Variants in MGAT4D observed in about 807,000 individuals in gnomAD.
The protein encoded by MGAT4D is alpha-1,3-mannosyl-glycoprotein 4-beta-N-acetylglucosaminyltransferase-like protein MGAT4D.
MGAT4D carries 34 observed loss-of-function variants against 15.9 expected under a neutral mutation model. The ratio of observed to expected loss-of-function variants is 2.14; its 90% CI spans 1.62 to 2.84. The LOEUF (loss-of-function observed/expected upper bound fraction) is 2.84, where lower values mean the gene tolerates loss of function less well. Ranked by LOEUF, MGAT4D falls within the 30% of genes most tolerant of loss-of-function variation. The pLI, the probability that MGAT4D is intolerant of heterozygous loss-of-function variation, is 0.00. For missense variants in MGAT4D, 327 were observed against 140.2 expected (o/e 2.33, Z -6.73); for synonymous variants, 112 against 48.2 (o/e 2.33, Z -5.49).
chr4:140,472,622 C>A (rs1027538974), intron 4 of MGAT4D, among the ~76,000 whole-genome samples: 1 of 152,254 alleles, frequency 6.6e-6, no homozygotes, highest in Middle Eastern at 3.4e-3. Context: ...TAAATTGAAT[C>A]ATTAGCTATT....
intron 1 of MGAT4D, among the ~76,000 whole-genome samples, chr4:140,488,920 T>C (rs1033537157): frequency 1.3e-5 from 2 of 152,120 alleles, no homozygotes; most frequent in African/African-American, 4.8e-5. Flanking sequence ...AGCCTTCTGT[T>C]ATGAGTAAAA....
At position 140,498,165 on chromosome 4, in the gene MGAT4D, A is replaced by G; in HGVS notation, c.58T>C (p.Phe20Leu). The G allele has an allele frequency of 1.4e-6, 1 of 702,652 alleles. No individual in the cohort carries two copies. The highest frequency in any genetic ancestry group is 2.6e-6 in the Non-Finnish European group (1 of 384,736). The allele number at this position is 702,652 out of a possible 1,614,324, so 43.5% of individuals were successfully genotyped here. A position where few individuals can be genotyped will look rare whatever the true frequency, so the allele number is the denominator to read the frequency against. Residue 20 changes from phenylalanine (F) to leucine (L), a missense_variant, in exon 1 of 11, where the codon TTC becomes CTC. By Grantham distance (22) the Phe-to-Leu change is conservative. Transcript: ENST00000511113. ...ITLVAVALFS[F>L]SCFSIYRITQ... is the part of the protein sequence containing the mutation. ...ATCCTGTAGATGGAGAAGCAAGAGA[A>G]GCTGAACAACGCGACGGCGACCAGG...
chr4:140,458,597 A>T (rs1730962037), intron 8 of MGAT4D: 1 of 152,202 alleles, frequency 6.6e-6, no homozygotes, highest in Non-Finnish European at 1.5e-5. Flanking sequence ...TGAATGCATA[A>T]ATTTCAGTGA....
At chr4:140,479,664 A>G in intron 2 of MGAT4D, 37 bp from the exon 3 acceptor site, 1 of 389,530 alleles carries the variant, frequency 2.6e-6, no homozygotes, top group East Asian at 3.7e-5. Context: ...GTATATGATC[A>G]TAGGGATTTT....
At chr4:140,465,408 T>A (rs781341431) in intron 5 of MGAT4D, among the ~76,000 whole-genome samples, 1 of 152,208 alleles carries the variant, frequency 6.6e-6, no homozygotes, top group African/African-American at 2.4e-5. Flanking sequence ...AATAGCAATG[T>A]GGCTCCTGAA....
Position 140,482,312 on chromosome 4 carries a change from A to G in MGAT4D, c.253+15T>C, listed in dbSNP as rs1732788153. ...TTTCCAAAAACAAAACAAAACAAAC[A>G]AAATCAACACAAACCTAAGTTTCCT... is the stretch of plus-strand genomic sequence containing the variant. On this transcript the variant is annotated intron_variant, in intron 2 of 10. Coordinates refer to ENST00000511113, the MANE Select transcript of MGAT4D (RefSeq NM_001277353.2). 1 of 607,570 alleles carries G rather than the reference A, an allele frequency of 1.6e-6. No homozygotes were observed. The highest frequency in any genetic ancestry group is 2.9e-6 in the Non-Finnish European group (1 of 347,208). The allele number at this position is 607,570 out of a possible 1,614,324, so 37.6% of individuals were successfully genotyped here.
At position 140,471,678 on chromosome 4, in the gene MGAT4D, T is replaced by A. The variant is rs143503833; in HGVS notation, c.572+97A>T. 2,737 of 313,774 alleles carry A rather than the reference T, an allele frequency of 8.7e-3. 21 individuals carry two copies. Among genetic ancestry groups the A allele is most frequent in the Non-Finnish European group, 0.012 (2,135 of 170,872 alleles). The allele number at this position is 313,774 out of a possible 1,614,324, so 19.4% of individuals were successfully genotyped here. On this transcript the variant is annotated intron_variant, in intron 5 of 10. Coordinates refer to ENST00000511113, the MANE Select transcript of MGAT4D (RefSeq NM_001277353.2). ...TGCCAGCTATACTCATTAAAAAGAATATGATCACTAAGAAAATAATTATAC... is the reference window on the plus strand; with the variant it reads ...TGCCAGCTATACTCATTAAAAAGAAAATGATCACTAAGAAAATAATTATAC...
chr4:140,455,082 T>C (rs976720282), intron 9 of MGAT4D, among the ~76,000 whole-genome samples: 1 of 152,160 alleles, frequency 6.6e-6, no homozygotes, highest in Admixed American at 6.5e-5. Flanking sequence ...TGCTGTTTTC[T>C]TTTACTATTA....
chr4:140,451,454 C>A lies in MGAT4D; in HGVS notation c.1072G>T (p.Val358Leu). 1 of 634,058 alleles carries A rather than the reference C, an allele frequency of 1.6e-6. No individual in the cohort carries two copies. Among genetic ancestry groups the A allele is most frequent in the Non-Finnish European group, 2.9e-6 (1 of 346,830 alleles). 39.3% of individuals were successfully genotyped at this position (634,058 alleles called of 1,614,324 possible). The change falls in exon 10 of 11, where the codon GTG (valine) becomes TTG (leucine). Residue 358 changes from valine (V) to leucine (L), a missense_variant. Coordinates refer to ENST00000511113, the MANE Select transcript of MGAT4D (RefSeq NM_001277353.2). ...IQYKPSLFQHVGIHSSFPRKE... is the reference protein window; with the variant it reads ...IQYKPSLFQHLGIHSSFPRKE... ...CTAGGGAATGATGAATGTATACCCA[C>A]ATGCTGGAAAAGAGAAGGTTTATAC...
chr4:140,452,505 CA>C (rs1342887425), intron 9 of MGAT4D, among the ~76,000 whole-genome samples: 1 of 152,106 alleles, frequency 6.6e-6, no homozygotes, highest in African/African-American at 2.4e-5. Flanking sequence ...AATACACCCT[CA>C]AAACAACCTG....
intron 1 of MGAT4D, among the ~76,000 whole-genome samples, chr4:140,495,549 T>C (rs1328925079): frequency 6.6e-6 from 1 of 152,188 alleles, no homozygotes; most frequent in East Asian, 1.9e-4. Context: ...ACATGCCATG[T>C]AGTTTTCCAC....
At chr4:140,463,689 T>C (rs985062808) in intron 6 of MGAT4D, among the ~76,000 whole-genome samples, 5 of 152,136 alleles carry the variant, frequency 3.3e-5, no homozygotes, top group Non-Finnish European at 7.3e-5. Flanking sequence ...CGTGAAGATA[T>C]CAACAATGTT....
intron 1 of MGAT4D, among the ~76,000 whole-genome samples, chr4:140,497,235 C>A (rs1314483990): frequency 6.6e-6 from 1 of 152,026 alleles, no homozygotes; most frequent in Non-Finnish European, 1.5e-5. Flanking sequence ...AACGTAAGAG[C>A]AATCGTGGAA....
chr4:140,468,384 T>C (rs992363562), intron 5 of MGAT4D, among the ~76,000 whole-genome samples: 4 of 152,196 alleles, frequency 2.6e-5, no homozygotes, highest in Non-Finnish European at 4.4e-5. Context: ...AATGTTTTTA[T>C]TGGAGATCTT....
At chr4:140,457,017 G>C (rs1730854648) in intron 8 of MGAT4D, 1 of 165,522 alleles carries the variant, frequency 6.0e-6, no homozygotes, top group African/African-American at 2.4e-5. Context: ...CAAGTGAATA[G>C]AATGAAATAT....
At chr4:140,459,683 C>T (rs1731039622) in intron 7 of MGAT4D, 57 bp from the exon 8 acceptor site, 1 of 373,584 alleles carries the variant, frequency 2.7e-6, no homozygotes, top group Non-Finnish European at 4.8e-6. Context: ...TTGAGTAAAG[C>T]TATATTAGCT....
At chr4:140,449,704 G>C (rs1730351111) in intron 10 of MGAT4D, among the ~76,000 whole-genome samples, 1 of 152,122 alleles carries the variant, frequency 6.6e-6, no homozygotes, top group African/African-American at 2.4e-5. Flanking sequence ...AGCTTGCAGT[G>C]AGCCAAGATC....
At chr4:140,462,844 C>T (rs1385482851) in intron 6 of MGAT4D, among the ~76,000 whole-genome samples, 2 of 152,138 alleles carry the variant, frequency 1.3e-5, no homozygotes, top group Non-Finnish European at 2.9e-5. Flanking sequence ...TAATGCGCAG[C>T]TCCTGCTTGG....
intron 1 of MGAT4D, among the ~76,000 whole-genome samples, chr4:140,486,055 G>A (rs1039890676): frequency 6.6e-6 from 1 of 151,846 alleles, no homozygotes; most frequent in Non-Finnish European, 1.5e-5. Context: ...GATCAGTCCT[G>A]AGTTCCTCCC....
Sources: allele counts gnomAD v4.1 joint callset (sites outside exome capture counted in the v4.1 genomes callset), GRCh38; gene constraint gnomAD v4.1.1; transcripts MANE v1.5; gene names NCBI Gene and HGNC (gene_info 2026-07-23, HGNC 2026-07-21).